Variants in PDE3A observed in about 807,000 individuals in gnomAD.
The protein encoded by PDE3A is phosphodiesterase 3A.
PDE3A carries 43 observed loss-of-function variants against 98.3 expected under a neutral mutation model. The ratio of observed to expected loss-of-function variants is 0.44; its 90% CI spans 0.34 to 0.56. The LOEUF is 0.56. Among genes scored for constraint, PDE3A ranks in the 20% least tolerant of loss-of-function variants. The probability of loss-of-function intolerance (pLI) is 0.01; values close to 1 mark genes in which losing one functional copy is unlikely to be tolerated. For missense variants in PDE3A, 1,427 were observed against 1,440.7 expected (o/e 0.99, Z 0.15); for synonymous variants, 663 against 567.9 (o/e 1.17, Z -2.38).
intron 1 of PDE3A, among the ~76,000 whole-genome samples, chr12:20,481,001 C>T (rs1304762168): frequency 6.6e-6 from 1 of 152,150 alleles, no homozygotes; most frequent in Non-Finnish European, 1.5e-5. Context: ...GTGGTGGTTA[C>T]CTGGCCAGTT....
intron 1 of PDE3A, among the ~76,000 whole-genome samples, chr12:20,477,235 A>G (rs922841756): frequency 1.3e-5 from 2 of 152,220 alleles, no homozygotes; most frequent in African/African-American, 4.8e-5. Flanking sequence ...AAGAAATCCT[A>G]TGCATTTGAC....
intron 1 of PDE3A, among the ~76,000 whole-genome samples, chr12:20,501,207 G>A (rs1185284649): frequency 6.6e-6 from 1 of 152,164 alleles, no homozygotes; most frequent in Non-Finnish European, 1.5e-5. Context: ...TGAACAAGGA[G>A]TTGTACTACT....
At chr12:20,538,855 G>A (rs752248650) in intron 1 of PDE3A, among the ~76,000 whole-genome samples, 26 of 151,890 alleles carry the variant, frequency 1.7e-4, no homozygotes, top group Non-Finnish European at 7.4e-5. Flanking sequence ...TACATTGTCC[G>A]GGCTGGTCTT....
chr12:20,460,568 T>A (rs1461188679), intron 1 of PDE3A, among the ~76,000 whole-genome samples: 1 of 152,222 alleles, frequency 6.6e-6, no homozygotes, highest in Non-Finnish European at 1.5e-5. Flanking sequence ...TGGAATAATA[T>A]GAAAGTTTTA....
intron 8 of PDE3A, among the ~76,000 whole-genome samples, chr12:20,635,694 A>C (rs577241921): frequency 1.3e-5 from 2 of 149,490 alleles, no homozygotes; most frequent in East Asian, 4.0e-4. Context: ...CGGAGGTTGC[A>C]GTGAGCTGAG....
At chr12:20,623,414 T>C (rs1944181464) in intron 5 of PDE3A, among the ~76,000 whole-genome samples, 1 of 152,070 alleles carries the variant, frequency 6.6e-6, no homozygotes, top group Non-Finnish European at 1.5e-5. Context: ...AAAAGACAAA[T>C]TTCCTTTTCA....
intron 1 of PDE3A, among the ~76,000 whole-genome samples, chr12:20,434,892 C>G (rs1326809928): frequency 6.6e-6 from 1 of 152,018 alleles, no homozygotes; most frequent in Non-Finnish European, 1.5e-5. Flanking sequence ...CTCCAATTAT[C>G]CCAAGGATTA....
intron 2 of PDE3A, among the ~76,000 whole-genome samples, chr12:20,589,812 T>C (rs1382462670): frequency 1.4e-5 from 2 of 141,002 alleles, no homozygotes; most frequent in Admixed American, 1.5e-4. Flanking sequence ...GAGCTTGCAG[T>C]AAGCTGAGAT....
chr12:20,549,386 CTCTT>C (rs1942138574), intron 1 of PDE3A, among the ~76,000 whole-genome samples: 1 of 148,064 alleles, frequency 6.8e-6, no homozygotes, highest in South Asian at 2.2e-4. Context: ...CCATCATTGC[CTCTT>C]TCTTTGCATT....
At chr12:20,454,314 G>A (rs774500455) in intron 1 of PDE3A, among the ~76,000 whole-genome samples, 14 of 151,992 alleles carry the variant, frequency 9.2e-5, no homozygotes, top group Non-Finnish European at 2.1e-4. Context: ...TCATGAATAC[G>A]CTTACCCTCA....
intron 1 of PDE3A, among the ~76,000 whole-genome samples, chr12:20,378,867 C>T (rs1445524745): frequency 1.3e-5 from 2 of 151,550 alleles, no homozygotes; most frequent in African/African-American, 4.8e-5. Context: ...TCTACATGCA[C>T]ATTTTCTTTC....
At chr12:20,400,368 C>A (rs1422182922) in intron 1 of PDE3A, among the ~76,000 whole-genome samples, 1 of 125,564 alleles carries the variant, frequency 8.0e-6, no homozygotes, top group Non-Finnish European at 1.6e-5. Context: ...CATGTTGACT[C>A]GTTAACATTG....
intron 1 of PDE3A, among the ~76,000 whole-genome samples, chr12:20,466,888 T>G (rs561211103): frequency 6.6e-6 from 1 of 152,314 alleles, no homozygotes; most frequent in South Asian, 2.1e-4. Context: ...AAATGAGATC[T>G]TCAGTGTGTG....
At chr12:20,659,782 C>T (rs1945119847) in intron 15 of PDE3A, among the ~76,000 whole-genome samples, 1 of 152,186 alleles carries the variant, frequency 6.6e-6, no homozygotes, top group South Asian at 2.1e-4. Context: ...AGATCAGCAT[C>T]TCCTGTAGAC....
chr12:20,444,266 C>A (rs561475918), intron 1 of PDE3A, among the ~76,000 whole-genome samples: 12 of 152,202 alleles, frequency 7.9e-5, no homozygotes, highest in African/African-American at 2.9e-4. Flanking sequence ...AGCTCCTGAC[C>A]TGTCCATCAC....
rs1189857263 is a variant in PDE3A at position 20,368,728 on chromosome 12, A to C, written c.-557A>C. Among the ~76,000 whole-genome samples, 1 of 151,884 alleles carries C rather than the reference A, an allele frequency of 6.6e-6. No individual in the cohort carries two copies. On this transcript the variant is annotated 5_prime_UTR_variant, in exon 1 of 16. Transcript: ENST00000359062. ...TGCCGGGGAGAATCGGCCGAGGAGA[A>C]AGAAAGAGTGATAGAAAAAGAGCTG... is the stretch of plus-strand genomic sequence containing the variant.
chr12:20,528,716 C>A (rs1946570678), intron 1 of PDE3A, among the ~76,000 whole-genome samples: 1 of 152,104 alleles, frequency 6.6e-6, no homozygotes, highest in Non-Finnish European at 1.5e-5. Flanking sequence ...GGGAGAGGTA[C>A]ATGACTTTTG....
At position 20,681,474 on chromosome 12, in the gene PDE3A, C is replaced by G. The variant is rs373224072; in HGVS notation, c.*1203C>G. 7.2e-5 allele frequency: 11 copies of G among 152,242 alleles called. 1 individual carries two copies. The East Asian group carries it at 1.4e-3, about 19-fold the overall frequency. 9.4% of individuals were successfully genotyped at this position (152,242 alleles called of 1,614,324 possible). ...AGAAAAATCACTCTGGGTTATATAG[C>G]AAGAGATGAAGGAGAATATTTCAAC... On this transcript the variant is annotated 3_prime_UTR_variant, in exon 16 of 16. Coordinates refer to ENST00000359062, the MANE Select transcript of PDE3A (RefSeq NM_000921.5).
At chr12:20,533,191 C>T (rs961917017) in intron 1 of PDE3A, among the ~76,000 whole-genome samples, 1 of 151,946 alleles carries the variant, frequency 6.6e-6, no homozygotes, top group African/African-American at 2.4e-5. Context: ...AAGGAGTTTG[C>T]ATTTTTTTCA....
Sources: allele counts gnomAD v4.1 joint callset (sites outside exome capture counted in the v4.1 genomes callset), GRCh38; gene constraint gnomAD v4.1.1; transcripts MANE v1.5; gene names NCBI Gene and HGNC (gene_info 2026-07-23, HGNC 2026-07-21).